USP11: variants seen among roughly 807,000 people sequenced by gnomAD.
USP11 encodes the protein ubiquitin specific peptidase 11, also known as ubiquitin carboxyl-terminal hydrolase 11.
A neutral mutation model predicts 72.8 loss-of-function variants in USP11; 5 were observed. The ratio of observed to expected loss-of-function variants is 0.07; its 90% CI spans 0.04 to 0.14. The LOEUF (loss-of-function observed/expected upper bound fraction) is 0.14. USP11 is among the 10% of genes least tolerant of loss of function. The pLI is 1.00. For missense variants in USP11, 480 were observed against 794.7 expected (o/e 0.60, Z 4.76); for synonymous variants, 368 against 326.5 (o/e 1.13, Z -1.37).
intron 1 of USP11, 117 bp downstream of exon 1, chrX:47,233,336 A>T (rs1602705073): frequency 8.2e-6 from 5 of 607,505 alleles, no homozygotes; most frequent in Middle Eastern, 9.0e-4. Flanking sequence ...GGGGCGGGGG[A>T]GTGGCCGGCG....
chrX:47,233,608 C>T (rs2147347553), intron 1 of USP11: 1 of 752,574 alleles, frequency 1.3e-6, no homozygotes, highest in Non-Finnish European at 1.6e-6. Context: ...GAGCGGTTTC[C>T]GATTGCTCCG....
intron 1 of USP11, among the ~76,000 whole-genome samples, chrX:47,236,990 T>TA (rs2055375281): frequency 8.9e-6 from 1 of 112,010 alleles, no homozygotes; most frequent in Non-Finnish European, 1.9e-5. Context: ...AATATGGTAA[T>TA]AATTTTCTGT....
intron 4 of USP11, 112 bp downstream of exon 4, chrX:47,240,019 C>A: frequency 1.2e-6 from 1 of 846,527 alleles, no homozygotes; most frequent in Admixed American, 2.4e-5. Flanking sequence ...ACTGGTCAGA[C>A]TTTGGAAGAC....
rs146815571 is a variant in USP11, at chrX:47,240,221, G to A, written c.536-84G>A. 9.3e-4 allele frequency: 1,056 copies of A among 1,140,158 alleles called. 2 individuals carry two copies. Among genetic ancestry groups the A allele is most frequent in the East Asian group, 6.2e-3 (191 of 30,973 alleles). The allele number at this position is 1,140,158 out of a possible 1,213,427, so 94.0% of individuals were successfully genotyped here. A position where few individuals can be genotyped will look rare whatever the true frequency, so the allele number is the denominator to read the frequency against. The stretch of plus-strand genomic sequence containing the variant: ...GGTATTGGCCAAGCATGTGAGGTCC[G>A]TAGGGATGAGTCAGGTATGCCCAGA... On this transcript the variant is annotated intron_variant, in intron 4 of 20. Coordinates refer to ENST00000377107, the MANE Select transcript of USP11 (RefSeq NM_001371072.1).
At position 47,242,614 on chromosome X, in the gene USP11, T is replaced by C. The variant is rs1569235989; in HGVS notation, c.1489-12T>C. The stretch of plus-strand genomic sequence containing the variant: ...GCAGACTAACAGTCCCCTCTCCATA[T>C]CCCATTCCTAGATGATGGTGGCTGA... On this transcript the variant is annotated splice_polypyrimidine_tract_variant and intron_variant, in intron 11 of 20. Transcript: ENST00000377107. The C allele has an allele frequency of 7.5e-6, 9 of 1,207,731 alleles. No homozygotes were observed. Among genetic ancestry groups the C allele is most frequent in the Non-Finnish European group, 1.0e-5 (9 of 891,834 alleles).
At position 47,240,358 on chromosome X, in the gene USP11, A is replaced by T; in HGVS notation, c.589A>T (p.Thr197Ser). ...ERFLVEPQED[T>S]RLWAKNSEGS... ...GTTTCTGGTGGAGCCCCAGGAAGAC[A>T]CTCGGCTTTGGGCCAAGAACTCAGA... Residue 197 changes from threonine to serine, a missense_variant, in exon 5 of 21, where the codon ACT becomes TCT. Physicochemically the swap from Thr to Ser is moderately conservative, Grantham distance 58 (BLOSUM62 1). Transcript: ENST00000377107. 8.3e-7 allele frequency: 1 copy of T among 1,210,901 alleles called. No homozygotes were observed. Among genetic ancestry groups the T allele is most frequent in the Non-Finnish European group, 1.1e-6 (1 of 895,248 alleles).
rs1292448130 is a variant in USP11 at position 47,239,095 on chromosome X, A to G, written c.202A>G (p.Lys68Glu). ...GTTCCTTGTGGAGAAGCACTGGTAT[A>G]AGCAGTGGGAGGCATACGTGCAGGG... The part of the protein sequence containing the change: ...SWFLVEKHWY[K>E]QWEAYVQGGD... Residue 68 changes from lysine (K) to glutamate (E), a missense_variant, in exon 2 of 21, where the codon AAG becomes GAG. Lys to Glu is a moderately conservative substitution (Grantham distance 56). Coordinates refer to ENST00000377107, the MANE Select transcript of USP11 (RefSeq NM_001371072.1). 5 of 1,208,102 alleles carry G rather than the reference A, an allele frequency of 4.1e-6. No homozygotes were observed. The highest frequency in any genetic ancestry group is 5.6e-6 in the Non-Finnish European group (5 of 894,338).
chrX:47,241,459 C>T lies in USP11; in HGVS notation c.1020+9C>T, dbSNP rs377521001. Reference sequence around the variant, plus strand: ...TGCCACATGTGTTCAAGGTGTGACTCAACCCTGGGCACCCCCGACCCCCTA... The same window carrying T: ...TGCCACATGTGTTCAAGGTGTGACTTAACCCTGGGCACCCCCGACCCCCTA... On this transcript the variant is annotated intron_variant, in intron 8 of 20. Transcript: ENST00000377107. 2.0e-5 allele frequency: 24 copies of T among 1,195,934 alleles called. No homozygotes were observed. The highest frequency in any genetic ancestry group is 2.5e-5 in the Non-Finnish European group (22 of 886,933).
intron 3 of USP11, 96 bp downstream of exon 3, chrX:47,239,577 C>A: frequency 1.8e-6 from 2 of 1,124,611 alleles, no homozygotes; most frequent in South Asian, 4.0e-5. Context: ...TGGGTAGGTA[C>A]ACATATGTCT....
intron 4 of USP11, among the ~76,000 whole-genome samples, 159 bp downstream of exon 4, chrX:47,240,066 G>A (rs757574028): frequency 1.8e-5 from 2 of 111,951 alleles, no homozygotes; most frequent in Admixed American, 1.9e-4. Flanking sequence ...GAGGCACTGA[G>A]GGGATCTACT....
chrX:47,243,516 G>A lies in USP11; in HGVS notation c.1704G>A (p.Met568Ile). The part of the protein sequence containing the change: ...RDYNNSYYGL[M>I]LFGHPLLVSV... ...ACAACAACTCCTACTACGGCCTGATGCTTTTTGGACACCCCCTCCTGGTAT... is the reference window on the plus strand; with the variant it reads ...ACAACAACTCCTACTACGGCCTGATACTTTTTGGACACCCCCTCCTGGTAT... Residue 568 changes from methionine (M) to isoleucine (I), a missense_variant, in exon 13 of 21, where the codon ATG (methionine) becomes ATA (isoleucine). This residue lies in a region of USP11 where 314 missense variants were observed against 556.0 expected (regional missense o/e 0.56). Coordinates refer to ENST00000377107, the MANE Select transcript of USP11 (RefSeq NM_001371072.1). The A allele has an allele frequency of 8.3e-7, 1 of 1,211,943 alleles. No homozygotes were observed. Among genetic ancestry groups the A allele is most frequent in the African/African-American group, 1.7e-5 (1 of 57,842 alleles).
In USP11 at chrX:47,248,306, A is replaced by C; in HGVS notation, c.*376A>C. The C allele has an allele frequency of 5.9e-6, 1 of 169,772 alleles. No individual in the cohort carries two copies. Among genetic ancestry groups the C allele is most frequent in the Non-Finnish European group, 1.1e-5 (1 of 92,166 alleles). The allele number at this position is 169,772 out of a possible 1,213,427, so 14.0% of individuals were successfully genotyped here. ...TACCTTCTGCTGTGTGTGTGTATAT[A>C]TAAAGCACCAGTCTGCTCCCCACTC... On this transcript the variant is annotated 3_prime_UTR_variant, in exon 21 of 21. Transcript: ENST00000377107.
intron 16 of USP11, 125 bp from the exon 17 acceptor site, chrX:47,245,245 G>A (rs760324761): frequency 1.1e-6 from 1 of 916,620 alleles, no homozygotes; most frequent in Admixed American, 2.8e-5. Context: ...AGGGCCTGAG[G>A]TTCCTAGCTT....
rs775365823 is a variant in USP11 at position 47,239,954 on chromosome X, C to G, written c.535+47C>G. 10 of 1,125,118 alleles carry G rather than the reference C, an allele frequency of 8.9e-6. No individual in the cohort carries two copies. The Admixed American group carries it at 2.2e-4, about 25-fold the overall frequency. 92.7% of individuals were successfully genotyped at this position (1,125,118 alleles called of 1,213,427 possible). On this transcript the variant is annotated intron_variant, in intron 4 of 20. Coordinates refer to ENST00000377107, the MANE Select transcript of USP11 (RefSeq NM_001371072.1). ...TGGGTTGGTGTTCCTAGCTACTAGT[C>G]CCAACTCAGTGACTTGAGGTTGCAT...
chrX:47,240,727 C>A, intron 6 of USP11, 47 bp from the exon 7 acceptor site: 1 of 1,203,955 alleles, frequency 8.3e-7, no homozygotes, highest in African/African-American at 1.7e-5. Context: ...GCACATTGCA[C>A]CCCCATGCAG....
intron 17 of USP11, 28 bp from the exon 18 acceptor site, chrX:47,247,044 C>A (rs753997508): frequency 1.7e-6 from 2 of 1,174,884 alleles, no homozygotes; most frequent in Non-Finnish European, 2.3e-6. Flanking sequence ...AGAAAAAGTC[C>A]GTTTGCTGAC....
rs1417404458 is a variant in USP11, at chrX:47,244,846, C to T, written c.2008C>T (p.Arg670Cys). Residue 670 changes from arginine (R) to cysteine (C), a missense_variant, in exon 15 of 21, where the codon CGC (arginine) becomes TGC (cysteine). Physicochemically the swap from Arg to Cys is radical, Grantham distance 180. This residue lies in a region of USP11 where 314 missense variants were observed against 556.0 expected (regional missense o/e 0.56). Coordinates refer to ENST00000377107, the MANE Select transcript of USP11 (RefSeq NM_001371072.1). Reference protein sequence around the residue: ...GTSQWPPRRRRKQLFTLQTVN... With the variant: ...GTSQWPPRRRCKQLFTLQTVN... ...ATCTCAGTGGCCCCCAAGGCGACGACGCAAGCAGCTGTTCACCCTGCAGAC... is the reference window on the plus strand; with the variant it reads ...ATCTCAGTGGCCCCCAAGGCGACGATGCAAGCAGCTGTTCACCCTGCAGAC... The T allele has an allele frequency of 5.8e-6, 7 of 1,209,416 alleles. No homozygotes were observed. Among genetic ancestry groups the T allele is most frequent in the Non-Finnish European group, 7.8e-6 (7 of 895,070 alleles).
In USP11 at chrX:47,240,429, T is replaced by C. The variant is rs766090492; in HGVS notation, c.660T>C (p.Asp220=). The change falls in exon 5 of 21, where the codon GAT becomes GAC. Residue 220 remains aspartate, a synonymous_variant. Coordinates refer to ENST00000377107, the MANE Select transcript of USP11 (RefSeq NM_001371072.1). Reference sequence around the variant, plus strand: ...ATGACACACACATCACGGTTCTCGATGCGGCCCTTGAGACTGGGCAGGTAA... The same window carrying C: ...ATGACACACACATCACGGTTCTCGACGCGGCCCTTGAGACTGGGCAGGTAA... ...RLYDTHITVL[D]AALETGQLII... is the part of the protein sequence containing the mutation. The C allele has an allele frequency of 3.3e-6, 4 of 1,211,866 alleles. No individual in the cohort carries two copies. Among genetic ancestry groups the C allele is most frequent in the Non-Finnish European group, 4.5e-6 (4 of 895,549 alleles).
At chrX:47,240,074 A>G (rs1460143328) in intron 4 of USP11, among the ~76,000 whole-genome samples, 167 bp downstream of exon 4, 3 of 111,891 alleles carry the variant, frequency 2.7e-5, no homozygotes, top group African/African-American at 6.5e-5. Flanking sequence ...GAGGGGATCT[A>G]CTAGAGCCCT....
Sources: allele counts gnomAD v4.1 joint callset (sites outside exome capture counted in the v4.1 genomes callset), GRCh38; gene constraint gnomAD v4.1.1; regional missense constraint gnomAD v4.1.1; transcripts MANE v1.5; gene names NCBI Gene and HGNC (gene_info 2026-07-23, HGNC 2026-07-21).